Variants in MOB4 observed in about 807,000 individuals in gnomAD.
The protein encoded by MOB4 is MOB family member 4, phocein.
A neutral mutation model predicts 32.2 loss-of-function variants in MOB4; 4 were observed. The ratio of observed to expected loss-of-function variants is 0.12; its 90% CI spans 0.06 to 0.28. The LOEUF (loss-of-function observed/expected upper bound fraction) is 0.28, where lower values mean the gene tolerates loss of function less well. Ranked by LOEUF, MOB4 falls within the 10% of genes least tolerant of loss-of-function variation. The pLI, the probability that MOB4 is intolerant of heterozygous loss-of-function variation, is 1.00. For missense variants in MOB4, 158 were observed against 271.2 expected (o/e 0.58, Z 2.93); for synonymous variants, 88 against 88.1 (o/e 1.00, Z 0.01).
intron 2 of MOB4, among the ~76,000 whole-genome samples, chr2:197,533,270 A>C (rs1443793624): frequency 1.3e-5 from 2 of 152,164 alleles, no homozygotes; most frequent in Non-Finnish European, 2.9e-5. Context: ...GGAACGAGAG[A>C]TTTGGACAGA....
In MOB4 at chr2:197,529,413, G is replaced by A. The variant is rs753471370; in HGVS notation, c.123+5727G>A. Among the ~76,000 whole-genome samples the A allele has an allele frequency of 9.2e-5, 14 of 151,752 alleles. No individual in the cohort carries two copies. The South Asian group carries it at 1.2e-3, about 14-fold the overall frequency. ...GTCACCCAGACTGGAGTACGGTGGC[G>A]TGATCTTGGCTCACTGCAACCTCCA... On this transcript the variant is annotated intron_variant, in intron 2 of 7. Transcript: ENST00000323303.
At chr2:197,528,642 G>A (rs1325960424) in intron 2 of MOB4, among the ~76,000 whole-genome samples, 2 of 139,556 alleles carry the variant, frequency 1.4e-5, no homozygotes, top group Non-Finnish European at 1.5e-5. Context: ...TTGAGACGGA[G>A]TCTCACACTG....
intron 2 of MOB4, among the ~76,000 whole-genome samples, chr2:197,525,588 T>A (rs765186632): frequency 6.6e-6 from 1 of 151,280 alleles, no homozygotes; most frequent in Non-Finnish European, 1.5e-5. Context: ...AATAAAAAGG[T>A]TGGGCTAGGT....
upstream of MOB4, chr2:197,515,830 G>C (rs1282883458): frequency 4.9e-5 from 26 of 525,446 alleles, 1 homozygote; most frequent in East Asian, 9.5e-4. Flanking sequence ...CGCAGCCCTC[G>C]CAAAGAGGCT....
chr2:197,538,580 G>T (rs932531461), intron 3 of MOB4, among the ~76,000 whole-genome samples: 2 of 152,124 alleles, frequency 1.3e-5, no homozygotes, highest in Admixed American at 1.3e-4. Flanking sequence ...TACATGCGTG[G>T]TGACTGGAAT....
chr2:197,545,716 C>T (rs1279962761), intron 5 of MOB4, among the ~76,000 whole-genome samples: 2 of 152,070 alleles, frequency 1.3e-5, no homozygotes, highest in East Asian at 3.8e-4. Flanking sequence ...AATGAAATAT[C>T]CAGAATAGGC....
intron 1 of MOB4, chr2:197,516,445 C>T: frequency 3.3e-6 from 4 of 1,228,078 alleles, no homozygotes; most frequent in Non-Finnish European, 4.3e-6. Context: ...GGCTTCTTCT[C>T]GCCTTGCCCC....
At chr2:197,533,218 T>A (rs1245528875) in intron 2 of MOB4, among the ~76,000 whole-genome samples, 3 of 152,232 alleles carry the variant, frequency 2.0e-5, no homozygotes, top group Non-Finnish European at 4.4e-5. Context: ...GATGGAGTTC[T>A]GTGAGGATTC....
chr2:197,516,609 C>T (rs746725858), intron 1 of MOB4: 8 of 474,250 alleles, frequency 1.7e-5, no homozygotes, highest in Admixed American at 1.6e-4. Flanking sequence ...GAAGTACCTA[C>T]CCGTTTCCTG....
intron 1 of MOB4, among the ~76,000 whole-genome samples, chr2:197,522,155 C>T (rs149910016): frequency 1.4e-3 from 207 of 152,194 alleles, no homozygotes; most frequent in African/African-American, 4.3e-3. Flanking sequence ...AGTTTGGGGT[C>T]CCTGACTTCC....
chr2:197,550,350 T>A lies in MOB4; in HGVS notation c.510T>A (p.Ala170=). 6.2e-7 allele frequency: 1 copy of A among 1,613,972 alleles called. No individual in the cohort carries two copies. Among genetic ancestry groups the A allele is most frequent in the Non-Finnish European group, 8.5e-7 (1 of 1,179,958 alleles). Residue 170 remains alanine, a synonymous_variant, in exon 7 of 8, where the codon GCT becomes GCA. Coordinates refer to ENST00000323303, the MANE Select transcript of MOB4 (RefSeq NM_015387.5). ...GGATTTACAGAATATTTTCACATGC[T>A]TATTTTCATCATCGGCAGATATTTG... ...CRRIYRIFSH[A]YFHHRQIFDE... is the part of the protein sequence containing the mutation.
intron 1 of MOB4, chr2:197,516,819 C>CT (rs1205701039): frequency 2.5e-5 from 11 of 447,938 alleles, no homozygotes; most frequent in Non-Finnish European, 3.8e-5. Flanking sequence ...ATTTTGTCAG[C>CT]TTTTTTGTAG....
chr2:197,535,518 C>G lies in MOB4; in HGVS notation c.124-12C>G. ...ATAATTTAATTAACCATAAGAACTT[C>G]TTTGTTTTTAGTATATTCAACAGAA... On this transcript the variant is annotated splice_polypyrimidine_tract_variant and intron_variant, in intron 2 of 7. Coordinates refer to ENST00000323303, the MANE Select transcript of MOB4 (RefSeq NM_015387.5). The G allele has an allele frequency of 6.3e-7, 1 of 1,580,604 alleles. No homozygotes were observed. The highest frequency in any genetic ancestry group is 8.6e-7 in the Non-Finnish European group (1 of 1,168,578).
intron 3 of MOB4, among the ~76,000 whole-genome samples, chr2:197,537,519 CT>C (rs1363454690): frequency 6.6e-6 from 1 of 152,138 alleles, no homozygotes; most frequent in African/African-American, 2.4e-5. Context: ...CTGCATGCTT[CT>C]TTAGAAATGG....
intron 1 of MOB4, 143 bp downstream of exon 1, chr2:197,516,289 C>A: frequency 6.9e-7 from 1 of 1,445,732 alleles, no homozygotes; most frequent in South Asian, 1.5e-5. Flanking sequence ...TCTTCCGGAG[C>A]TGCAGCCCCT....
intron 5 of MOB4, among the ~76,000 whole-genome samples, chr2:197,544,601 A>G (rs2086959573): frequency 6.6e-6 from 1 of 152,002 alleles, no homozygotes; most frequent in Non-Finnish European, 1.5e-5. Flanking sequence ...AAAATACAAA[A>G]AATTACCCGG....
At chr2:197,541,325 G>T (rs140447089) in intron 5 of MOB4, among the ~76,000 whole-genome samples, 2 of 151,998 alleles carry the variant, frequency 1.3e-5, no homozygotes, top group South Asian at 4.2e-4. Context: ...CCCTTAATCT[G>T]TATTCCCATT....
intron 2 of MOB4, among the ~76,000 whole-genome samples, chr2:197,534,487 T>C (rs1266650405): frequency 6.6e-6 from 1 of 151,984 alleles, no homozygotes; most frequent in East Asian, 1.9e-4. Context: ...ACAGTTAGAG[T>C]GATTATATTC....
chr2:197,540,564 T>C, intron 5 of MOB4, 127 bp downstream of exon 5: 3 of 929,574 alleles, frequency 3.2e-6, no homozygotes, highest in Non-Finnish European at 4.5e-6. Flanking sequence ...TTGAGTTGCT[T>C]GTTGTGAAGT....
Sources: gnomAD v4.1 joint callset for allele counts (sites outside exome capture counted in the v4.1 genomes callset) on GRCh38, gnomAD v4.1.1 for gene constraint, MANE v1.5 for transcripts, NCBI Gene and HGNC (gene_info 2026-07-23, HGNC 2026-07-21) for gene names.